KLRG2: variants seen among roughly 807,000 people sequenced by gnomAD.
The protein encoded by KLRG2 is killer cell lectin-like receptor subfamily G member 2.
In KLRG2, 39 loss-of-function variants were observed where a neutral mutation model predicts 35.4. The observed-to-expected ratio is 1.10, with a 90% CI of 0.85 to 1.44. KLRG2 has a LOEUF of 1.44. KLRG2 is among the 40% of genes most tolerant of loss of function. KLRG2 has a pLI of 0.00. For missense variants in KLRG2, 632 were observed against 570.9 expected (o/e 1.11, Z -1.09); for synonymous variants, 283 against 265.8 (o/e 1.06, Z -0.63).
intron 3 of KLRG2, among the ~76,000 whole-genome samples, chr7:139,474,834 T>G (rs1030078111): frequency 6.6e-6 from 1 of 152,178 alleles, no homozygotes; most frequent in Non-Finnish European, 1.5e-5. Context: ...ATAACTCCCA[T>G]AGCCCTTGAC....
chr7:139,462,243 A>C (rs1311244135), intron 3 of KLRG2, among the ~76,000 whole-genome samples: 1 of 152,188 alleles, frequency 6.6e-6, no homozygotes, highest in East Asian at 1.9e-4. Context: ...CCCACGTTTC[A>C]GAGGTGTCTG....
At position 139,483,643 on chromosome 7, in the gene KLRG2, C is replaced by G. The variant is rs1480239375; in HGVS notation, c.-1G>C. On this transcript the variant is annotated 5_prime_UTR_variant, in exon 1 of 5. Transcript: ENST00000340940. ...GCGCAGCCTCCCAAGACTCCTCCAT[C>G]CCGCGCGCCCCGCCACCCGGAGACG... 2.7e-6 allele frequency: 4 copies of G among 1,499,326 alleles called. No individual in the cohort carries two copies. In the African/African-American group the frequency reaches 4.3e-5, roughly 16 times the overall value. 92.9% of individuals were successfully genotyped at this position (1,499,326 alleles called of 1,614,324 possible). A position where few individuals can be genotyped will look rare whatever the true frequency, so the allele number is the denominator to read the frequency against.
chr7:139,442,468 T>G, the KLRG2 span, among the ~76,000 whole-genome samples: 4 of 152,092 alleles, frequency 2.6e-5, no homozygotes, highest in East Asian at 5.8e-4. Context: ...TCCCAGCACT[T>G]TGGGAGGCCA....
Position 139,483,490 on chromosome 7 carries a change from G to C in KLRG2, c.153C>G (p.Ala51=), listed in dbSNP as rs756392088. The C allele has an allele frequency of 1.9e-6, 3 of 1,596,798 alleles. No homozygotes were observed. ...PEGPESSPSP[A]GAVEKAAGAG... ...CGCCCGCCGCCTTCTCCACGGCCCC[G>C]GCCGGACTTGGGCTGCTTTCGGGAC... The change falls in exon 1 of 5, where the codon GCC becomes GCG. Residue 51 remains alanine, a synonymous_variant. Coordinates refer to ENST00000340940, the MANE Select transcript of KLRG2 (RefSeq NM_198508.4).
intron 2 of KLRG2, 144 bp from the exon 3 acceptor site, chr7:139,479,916 T>C (rs955024355): frequency 2.7e-5 from 26 of 972,558 alleles, no homozygotes; most frequent in Admixed American, 5.1e-5. Flanking sequence ...GTCTGTGCAG[T>C]GCACAAAGTC....
the KLRG2 span, among the ~76,000 whole-genome samples, chr7:139,446,542 C>T: frequency 2.7e-5 from 4 of 150,920 alleles, no homozygotes; most frequent in Admixed American, 6.6e-5. Flanking sequence ...AGTTTTGCCA[C>T]GTCAGCCAGG....
downstream of KLRG2, among the ~76,000 whole-genome samples, chr7:139,451,508 T>A (rs28439248): frequency 0.38 from 55,935 of 148,560 alleles, 12,990 homozygotes; most frequent in African/African-American, 0.69. Context: ...CAAAAAAAAA[T>A]TTTTTTTTTT....
At chr7:139,450,448 C>T (rs1248484129), downstream of KLRG2, among the ~76,000 whole-genome samples, 1 of 152,072 alleles carries the variant, frequency 6.6e-6, no homozygotes, top group African/African-American at 2.4e-5. Context: ...TGGTCTCGAA[C>T]TCTTGACCTT....
chr7:139,449,952 C>T (rs1275103203), downstream of KLRG2, among the ~76,000 whole-genome samples: 5 of 151,936 alleles, frequency 3.3e-5, no homozygotes, highest in South Asian at 6.2e-4. Flanking sequence ...CCGCCCGCCT[C>T]GGCCTCCCAA....
the KLRG2 span, among the ~76,000 whole-genome samples, chr7:139,434,957 G>T: frequency 6.6e-6 from 1 of 152,086 alleles, no homozygotes; most frequent in African/African-American, 2.4e-5. Flanking sequence ...CTATAAGCTA[G>T]AAGTTACCAT....
At chr7:139,454,394 G>T (rs1236767101) in intron 3 of KLRG2, among the ~76,000 whole-genome samples, 180 bp from the exon 4 acceptor site, 3 of 152,218 alleles carry the variant, frequency 2.0e-5, no homozygotes, top group Admixed American at 2.0e-4. Flanking sequence ...TGGGTGCCAG[G>T]TTCTGTGCTC....
intron 1 of KLRG2, among the ~76,000 whole-genome samples, chr7:139,481,280 G>C (rs1421664278): frequency 2.0e-5 from 3 of 152,196 alleles, no homozygotes; most frequent in Admixed American, 2.0e-4. Flanking sequence ...TGACTTAACG[G>C]AACTGTAAGA....
At chr7:139,446,588 T>C in the KLRG2 span, among the ~76,000 whole-genome samples, 1 of 151,414 alleles carries the variant, frequency 6.6e-6, no homozygotes, top group Non-Finnish European at 1.5e-5. Flanking sequence ...TGATCCGCCC[T>C]CCTCGGCCTC....
chr7:139,428,232 T>C, the KLRG2 span, among the ~76,000 whole-genome samples: 1 of 152,186 alleles, frequency 6.6e-6, no homozygotes. Flanking sequence ...TAACATGGTA[T>C]ATAGGAGTTA....
downstream of KLRG2, among the ~76,000 whole-genome samples, chr7:139,450,283 GC>G (rs1250485384): frequency 1.3e-5 from 2 of 150,750 alleles, no homozygotes; most frequent in East Asian, 3.9e-4. Flanking sequence ...GAGTGCAGTG[GC>G]GCGATCTCGG....
At chr7:139,466,207 TC>T (rs1453895338) in intron 3 of KLRG2, among the ~76,000 whole-genome samples, 2 of 152,182 alleles carry the variant, frequency 1.3e-5, no homozygotes, top group African/African-American at 4.8e-5. Flanking sequence ...TTGACTTTAC[TC>T]ACATGCCCCG....
the KLRG2 span, among the ~76,000 whole-genome samples, chr7:139,428,122 G>A: frequency 1.3e-5 from 2 of 152,196 alleles, no homozygotes; most frequent in South Asian, 4.1e-4. Flanking sequence ...GAAGCAGGAT[G>A]ATAACTGCAA....
the KLRG2 span, among the ~76,000 whole-genome samples, chr7:139,445,769 A>ATATATATATGTGTG: frequency 3.3e-5 from 4 of 119,540 alleles, no homozygotes; most frequent in African/African-American, 2.4e-4. Context: ...ATGTGTATGT[A>ATATATATATGTGTG]TATATATATA....
the KLRG2 span, among the ~76,000 whole-genome samples, chr7:139,437,721 G>A: frequency 6.6e-6 from 1 of 152,094 alleles, no homozygotes; most frequent in Non-Finnish European, 1.5e-5. Context: ...GCCTCCCAAA[G>A]TGCTGGGATT....
Sources: gnomAD v4.1 joint callset for allele counts (sites outside exome capture counted in the v4.1 genomes callset) on GRCh38, gnomAD v4.1.1 for gene constraint, MANE v1.5 for transcripts, NCBI Gene and HGNC (gene_info 2026-07-23, HGNC 2026-07-21) for gene names.